The following CCDC14 variants were observed in gnomAD, a reference collection of about 807,000 sequenced individuals.
CCDC14 encodes the protein coiled-coil domain-containing protein 14.
A neutral mutation model predicts 81.4 loss-of-function variants in CCDC14; 71 were observed. The observed-to-expected ratio is 0.87, with a 90% confidence interval of 0.72 to 1.06. The LOEUF (loss-of-function observed/expected upper bound fraction) is 1.06. Among genes scored for constraint, CCDC14 ranks in the 50% least tolerant of loss-of-function variants. The pLI, the probability that CCDC14 is intolerant of heterozygous loss-of-function variation, is 0.00. For missense variants in CCDC14, 1,046 were observed against 1,047.3 expected (o/e 1.00, Z 0.02); for synonymous variants, 332 against 364.8 (o/e 0.91, Z 1.03).
At chr3:123,954,996 T>C (rs970348920) in intron 5 of CCDC14, 6 of 152,174 alleles carry the variant, frequency 3.9e-5, no homozygotes, top group Non-Finnish European at 7.3e-5. Context: ...GTTCTCTACC[T>C]TGGGACTATC....
intron 7 of CCDC14, among the ~76,000 whole-genome samples, 158 bp downstream of exon 7, chr3:123,948,533 G>A (rs983325667): frequency 1.3e-5 from 2 of 151,956 alleles, no homozygotes; most frequent in African/African-American, 2.4e-5. Flanking sequence ...TAGCCACGGC[G>A]CTCGGCCATA....
At chr3:123,946,288 G>C (rs2036619068) in intron 8 of CCDC14, among the ~76,000 whole-genome samples, 1 of 151,818 alleles carries the variant, frequency 6.6e-6, no homozygotes, top group Admixed American at 6.6e-5. Context: ...ATAGAATCTG[G>C]CTCAGAAACA....
the CCDC14 span, among the ~76,000 whole-genome samples, chr3:123,890,178 C>T: frequency 2.0e-5 from 3 of 152,144 alleles, no homozygotes; most frequent in Admixed American, 1.3e-4. Flanking sequence ...CAATCATCTC[C>T]CACCAGGTCC....
intron 9 of CCDC14, among the ~76,000 whole-genome samples, chr3:123,940,590 C>G (rs1235281922): frequency 6.6e-6 from 1 of 151,878 alleles, no homozygotes; most frequent in Non-Finnish European, 1.5e-5. Flanking sequence ...ATCTTCTGTT[C>G]TTTCCTTAAA....
At chr3:123,952,671 C>T (rs1045058203) in intron 5 of CCDC14, 3 of 509,260 alleles carry the variant, frequency 5.9e-6, no homozygotes, top group South Asian at 1.5e-5. Context: ...CATAAGGAGG[C>T]CACTCCCCAG....
chr3:123,956,642 G>A, intron 2 of CCDC14, 98 bp downstream of exon 2: 3 of 931,252 alleles, frequency 3.2e-6, no homozygotes, highest in East Asian at 2.7e-5. Flanking sequence ...TGATGGTAGA[G>A]GCCTACCTAA....
At chr3:123,888,388 C>T in the CCDC14 span, among the ~76,000 whole-genome samples, 12 of 152,198 alleles carry the variant, frequency 7.9e-5, no homozygotes, top group African/African-American at 2.2e-4. Context: ...AAAGCTTTCC[C>T]GTTTGTTGTT....
Position 123,946,938 on chromosome 3 carries a change from C to A in CCDC14, c.1066G>T (p.Asp356Tyr). The change falls in exon 8 of 13, where the codon GAT becomes TAT. Residue 356 changes from aspartate (D) to tyrosine (Y), a missense_variant. Asp to Tyr is a radical substitution (Grantham distance 160, BLOSUM62 -3). Transcript: ENST00000409697. Reference sequence around the variant, plus strand: ...GTATCTCGCACATGTATGTTTAAATCCTTTCTTTCACTTGTGGCCTCTCTA... The same window carrying A: ...GTATCTCGCACATGTATGTTTAAATACTTTCTTTCACTTGTGGCCTCTCTA... ...QIREATSERK[D>Y]LNIHVRDTKT... The A allele has an allele frequency of 1.9e-6, 3 of 1,613,908 alleles. No homozygotes were observed. Among genetic ancestry groups the A allele is most frequent in the South Asian group, 2.2e-5 (2 of 91,072 alleles).
At chr3:123,900,201 A>T (rs2034151070) in intron 5 of CCDC14, among the ~76,000 whole-genome samples, 1 of 152,222 alleles carries the variant, frequency 6.6e-6, no homozygotes, top group Non-Finnish European at 1.5e-5. Flanking sequence ...AAACAACATC[A>T]TAAGAACAAG....
Position 123,956,418 on chromosome 3 carries a change from T to A in CCDC14, c.96A>T (p.Leu32Phe). 1.3e-6 allele frequency: 2 copies of A among 1,544,226 alleles called. No individual in the cohort carries two copies. Among genetic ancestry groups the A allele is most frequent in the Non-Finnish European group, 1.7e-6 (2 of 1,142,860 alleles). ...CTGCATTAAAACGTGGTATTTTTCT[T>A]AAATAGGTCCTGGAAAACAAGCTTA... ...KLTNGKKATY[L>F]RKIPRFNADS... The change falls in exon 3 of 13, where the codon TTA (leucine) becomes TTT (phenylalanine). Residue 32 changes from leucine to phenylalanine, a missense_variant. Transcript: ENST00000409697.
At position 123,931,542 on chromosome 3, in the gene CCDC14, G is replaced by A. The variant is rs1314040737; in HGVS notation, c.1427-16C>T. 1 of 1,385,698 alleles carries A rather than the reference G, an allele frequency of 7.2e-7. No homozygotes were observed. The highest frequency in any genetic ancestry group is 9.8e-7 in the Non-Finnish European group (1 of 1,023,320). The allele number at this position is 1,385,698 out of a possible 1,614,324, so 85.8% of individuals were successfully genotyped here. ...AGAGAAAACACTGTTAAGACAAAAT[G>A]GATCAAATAGTTGTTTCCCAAACCT... On this transcript the variant is annotated splice_polypyrimidine_tract_variant and intron_variant, in intron 10 of 12. Transcript: ENST00000409697.
chr3:123,915,012 G>C lies in CCDC14; in HGVS notation c.2485C>G (p.Gln829Glu). The C allele has an allele frequency of 6.2e-7, 1 of 1,614,034 alleles. No individual in the cohort carries two copies. The highest frequency in any genetic ancestry group is 8.5e-7 in the Non-Finnish European group (1 of 1,179,900). ...CCTGATGGGCCATGACATGCAGTTT[G>C]TTCCTCTGGCTCCTTGGTGGCAGCA... ...IPAATKEPEE[Q>E]TACHGPSGCL... is the part of the protein sequence containing the mutation. The change falls in exon 13 of 13, where the codon CAA becomes GAA. Residue 829 changes from glutamine (Q) to glutamate (E), a missense_variant. Transcript: ENST00000409697.
At chr3:123,906,968 G>T (rs1290122877) in intron 5 of CCDC14, among the ~76,000 whole-genome samples, 3 of 151,990 alleles carry the variant, frequency 2.0e-5, no homozygotes, top group Non-Finnish European at 4.4e-5. Context: ...AGATCATCTT[G>T]GCCCTGGACT....
intron 9 of CCDC14, 96 bp downstream of exon 9, chr3:123,944,753 T>G (rs2036535808): frequency 7.3e-6 from 6 of 827,524 alleles, no homozygotes; most frequent in Non-Finnish European, 8.7e-6. Flanking sequence ...GCAAATAAAT[T>G]TTACTTATGA....
chr3:123,904,802 TC>T (rs2034269166), intron 5 of CCDC14, among the ~76,000 whole-genome samples: 1 of 152,132 alleles, frequency 6.6e-6, no homozygotes, highest in Admixed American at 6.5e-5. Flanking sequence ...ACCTATAAAT[TC>T]TACGCAATTC....
intron 9 of CCDC14, among the ~76,000 whole-genome samples, chr3:123,943,014 T>C (rs2036433555): frequency 6.6e-6 from 1 of 151,952 alleles, no homozygotes; most frequent in African/African-American, 2.4e-5. Context: ...CCTGGGTGTA[T>C]AGAAGTAAGT....
intron 10 of CCDC14, among the ~76,000 whole-genome samples, chr3:123,933,008 A>G (rs1372257385): frequency 2.0e-5 from 3 of 152,152 alleles, no homozygotes; most frequent in Non-Finnish European, 4.4e-5. Context: ...CTGAGGGAAG[A>G]GAATCACTTG....
intron 1 of CCDC14, among the ~76,000 whole-genome samples, chr3:123,959,636 G>A (rs2700394): frequency 0.22 from 33,498 of 151,880 alleles, 8,176 homozygotes; most frequent in East Asian, 0.78. Flanking sequence ...AGTTTGATGT[G>A]TCCATGCTCT....
intron 5 of CCDC14, among the ~76,000 whole-genome samples, chr3:123,898,791 G>A (rs775600020): frequency 6.6e-5 from 10 of 152,034 alleles, no homozygotes; most frequent in South Asian, 4.2e-4. Context: ...GGGTTCAAGC[G>A]ATTCTCATGC....
Sources: gnomAD v4.1 joint callset for allele counts (sites outside exome capture counted in the v4.1 genomes callset) on GRCh38, gnomAD v4.1.1 for gene constraint, MANE v1.5 for transcripts, NCBI Gene and HGNC (gene_info 2026-07-23, HGNC 2026-07-21) for gene names.